Variants in PRDM16 observed in about 807,000 individuals in gnomAD.
PRDM16 encodes the protein histone-lysine N-methyltransferase PRDM16.
A neutral mutation model predicts 110.6 loss-of-function variants in PRDM16; 23 were observed. That is an observed-to-expected ratio of 0.21 (90% confidence interval 0.15 to 0.29). PRDM16 has a LOEUF of 0.29. Among genes scored for constraint, PRDM16 ranks in the 10% least tolerant of loss-of-function variants. The pLI, the probability that PRDM16 is intolerant of heterozygous loss-of-function variation, is 1.00. For synonymous variants in PRDM16, 799 were observed against 781.8 expected, an observed-to-expected ratio of 1.02 and a Z score of -0.37; for missense variants, 1,615 against 1,794.3, an observed-to-expected ratio of 0.90 and a Z score of 1.81.
intron 1 of PRDM16, among the ~76,000 whole-genome samples, chr1:3,160,861 AG>A (rs1643891747): frequency 1.3e-5 from 2 of 152,200 alleles, no homozygotes; most frequent in South Asian, 4.1e-4. Context: ...ACCTTGTCCA[AG>A]GCCACACAGC....
intron 3 of PRDM16, among the ~76,000 whole-genome samples, chr1:3,274,901 T>G (rs1362017109): frequency 6.6e-6 from 1 of 152,228 alleles, no homozygotes; most frequent in Non-Finnish European, 1.5e-5. Flanking sequence ...TTTGGACACA[T>G]GGCACCTGCT....
At chr1:3,094,035 G>A (rs1471769464) in intron 1 of PRDM16, among the ~76,000 whole-genome samples, 1 of 152,244 alleles carries the variant, frequency 6.6e-6, no homozygotes, top group East Asian at 1.9e-4. Context: ...CAGAAGTGGT[G>A]GCACCAGCCA....
chr1:3,112,699 A>G (rs965322052), intron 1 of PRDM16, among the ~76,000 whole-genome samples: 1 of 152,020 alleles, frequency 6.6e-6, no homozygotes, highest in African/African-American at 2.4e-5. Flanking sequence ...TGCGTGGACC[A>G]CCCCCTGCAG....
intron 3 of PRDM16, among the ~76,000 whole-genome samples, chr1:3,296,908 C>T: frequency 6.6e-6 from 1 of 152,204 alleles, no homozygotes; most frequent in Admixed American, 6.5e-5. Context: ...ACGGCTTAGC[C>T]TCACCCACCT....
Position 3,069,544 on chromosome 1 carries a change from TC to T in PRDM16, c.37+256del, listed in dbSNP as rs541892148. 1.8e-3 allele frequency among the ~76,000 whole-genome samples: 248 copies of T among 135,792 alleles called. 6 individuals are homozygous for T. Among genetic ancestry groups the T allele is most frequent in the Admixed American group, 0.016 (218 of 14,038 alleles). 89.1% of individuals were successfully genotyped at this position (135,792 alleles called of 152,430 possible). A position where few individuals can be genotyped will look rare whatever the true frequency, so the allele number is the denominator to read the frequency against. On this transcript the variant is annotated intron_variant, in intron 1 of 16. Coordinates refer to ENST00000270722, the MANE Select transcript of PRDM16 (RefSeq NM_022114.4). The surrounding 1 kb of genome is among the most constrained non-coding windows in gnomAD (Gnocchi z 6.1). ...CCGGCCCCCTCCCCGCGGAACCCCCTCCCCCCCCACCAGTGTCAGGCGCTCG... is the reference window on the plus strand; with the variant it reads ...CCGGCCCCCTCCCCGCGGAACCCCCTCCCCCCCACCAGTGTCAGGCGCTCG...
chr1:3,378,241 G>C (rs1035547148), intron 3 of PRDM16, among the ~76,000 whole-genome samples: 1 of 152,188 alleles, frequency 6.6e-6, no homozygotes. Context: ...GGAGCATCCA[G>C]AGCCCAGGGA....
intron 8 of PRDM16, among the ~76,000 whole-genome samples, chr1:3,410,097 TGTG>T (rs1380619570): frequency 1.4e-5 from 2 of 143,438 alleles, no homozygotes; most frequent in African/African-American, 2.6e-5. Flanking sequence ...TGTGTGTGGT[TGTG>T]TGTGTGCGTG....
chr1:3,271,025 C>T (rs963316323), intron 3 of PRDM16, among the ~76,000 whole-genome samples: 2 of 152,138 alleles, frequency 1.3e-5, no homozygotes, highest in African/African-American at 4.8e-5. Context: ...CAGAGGCAGA[C>T]CTTGGTGTCT....
intron 1 of PRDM16, among the ~76,000 whole-genome samples, chr1:3,124,099 A>G (rs1643153621): frequency 6.6e-6 from 1 of 152,020 alleles, no homozygotes; most frequent in South Asian, 2.1e-4. Context: ...ACCCCCAAGA[A>G]CTGCTGGGAC....
intron 14 of PRDM16, among the ~76,000 whole-genome samples, chr1:3,429,062 G>T (rs760930938): frequency 1.3e-5 from 2 of 152,376 alleles, no homozygotes; most frequent in African/African-American, 4.8e-5. Flanking sequence ...GAGTGCCAAG[G>T]TTTGCCAAGG....
At chr1:3,412,821 A>G in intron 9 of PRDM16, 21 bp downstream of exon 9, 1 of 1,433,274 alleles carries the variant, frequency 7.0e-7, no homozygotes, top group Admixed American at 2.9e-5. Context: ...CCCCAGCCTC[A>G]CTGGCTCTCC....
chr1:3,435,231 T>A lies in PRDM16; in HGVS notation c.*1420T>A, dbSNP rs572039527. On this transcript the variant is annotated 3_prime_UTR_variant, in exon 17 of 17. Transcript: ENST00000270722. Reference sequence around the variant, plus strand: ...TTTACCTTAATCTGTATATAACTTGTAATTTTTTCTAATTCATTTCTTTTC... The same window carrying A: ...TTTACCTTAATCTGTATATAACTTGAAATTTTTTCTAATTCATTTCTTTTC... 58 of 221,522 alleles carry A rather than the reference T, an allele frequency of 2.6e-4. No individual in the cohort carries two copies. In the Middle Eastern group the frequency reaches 6.8e-3, roughly 26 times the overall value. The allele number at this position is 221,522 out of a possible 1,614,324, so 13.7% of individuals were successfully genotyped here.
intron 3 of PRDM16, among the ~76,000 whole-genome samples, chr1:3,331,008 A>G (rs76122673): frequency 0.073 from 11,116 of 152,294 alleles, 550 homozygotes; most frequent in East Asian, 0.19. Context: ...GGAGAATAGC[A>G]GCAATTCCAT....
At chr1:3,108,179 G>C (rs1210529483) in intron 1 of PRDM16, among the ~76,000 whole-genome samples, 1 of 152,248 alleles carries the variant, frequency 6.6e-6, no homozygotes, top group Non-Finnish European at 1.5e-5. Flanking sequence ...GGGGCCATTG[G>C]TCTTGCCGTT....
In PRDM16 at chr1:3,431,051, A is replaced by C. The variant is rs958556928; in HGVS notation, c.3464A>C (p.Asp1155Ala). The stretch of plus-strand genomic sequence containing the variant: ...CCCGAGCCCCAGGCCGCCTACGAGG[A>C]TGAGGAGGATGAGGAGCCAGCCGCC... The part of the protein sequence containing the change: ...PAPEPQAAYE[D>A]EEDEEPAASL... The change falls in exon 15 of 17, where the codon GAT becomes GCT. Residue 1155 changes from aspartate to alanine, a missense_variant. Physicochemically the swap from Asp to Ala is moderately radical, Grantham distance 126 (BLOSUM62 -2). Around this residue, in one of 5 missense-constraint regions of PRDM16, gnomAD observed 327 missense variants for 359.3 expected, o/e 0.91. Coordinates refer to ENST00000270722, the MANE Select transcript of PRDM16 (RefSeq NM_022114.4). 2.6e-6 allele frequency: 4 copies of C among 1,556,424 alleles called. No homozygotes were observed. The highest frequency in any genetic ancestry group is 3.9e-5 in the Admixed American group (2 of 51,404).
At position 3,175,482 on chromosome 1, in the gene PRDM16, C is replaced by A. The variant is rs1201926166; in HGVS notation, c.38-10643C>A. 6.6e-6 allele frequency among the ~76,000 whole-genome samples: 1 copy of A among 152,170 alleles called. No homozygotes were observed. Among genetic ancestry groups the A allele is most frequent in the East Asian group, 1.9e-4 (1 of 5,190 alleles). ...TGTTTTGTTCAGGGGGCAGGATGGC[C>A]CTTCACTGCTCATGGGGACTCATAG... On this transcript the variant is annotated intron_variant, in intron 1 of 16. Coordinates refer to ENST00000270722, the MANE Select transcript of PRDM16 (RefSeq NM_022114.4). The surrounding 1 kb of genome is among the most constrained non-coding windows in gnomAD (Gnocchi z 4.8).
At chr1:3,079,082 G>T (rs1641960622) in intron 1 of PRDM16, among the ~76,000 whole-genome samples, 1 of 152,244 alleles carries the variant, frequency 6.6e-6, no homozygotes, top group African/African-American at 2.4e-5. Flanking sequence ...GACTGTCTCC[G>T]ACGGCTCCGG....
At chr1:3,179,791 G>A (rs868718) in intron 1 of PRDM16, among the ~76,000 whole-genome samples, 60,037 of 152,034 alleles carry the variant, frequency 0.39, 13,942 homozygotes, top group Non-Finnish European at 0.53. Context: ...AAGGTGATCC[G>A]GCCCCGAGTG....
intron 3 of PRDM16, among the ~76,000 whole-genome samples, chr1:3,354,477 AAAT>A (rs1326484133): frequency 4.0e-5 from 6 of 150,892 alleles, no homozygotes; most frequent in African/African-American, 1.5e-4. Flanking sequence ...AAAAAAAAAA[AAAT>A]ACCTTGCTTA....
Sources: allele counts gnomAD v4.1 joint callset (sites outside exome capture counted in the v4.1 genomes callset), GRCh38; gene constraint gnomAD v4.1.1; regional missense constraint gnomAD v4.1.1; non-coding constraint Gnocchi (gnomAD v3.1); transcripts MANE v1.5; gene names NCBI Gene and HGNC (gene_info 2026-07-23, HGNC 2026-07-21).